KCNN2: variants seen among roughly 807,000 people sequenced by gnomAD.
The protein encoded by KCNN2 is potassium calcium-activated channel subfamily N member 2.
In KCNN2, 24 loss-of-function variants were observed where a neutral mutation model predicts 55.5. That is an observed-to-expected ratio of 0.43 (90% CI 0.31 to 0.61). The LOEUF is 0.61. Among genes scored for constraint, KCNN2 ranks in the 20% least tolerant of loss-of-function variants. KCNN2 has a pLI of 0.08. For synonymous variants in KCNN2, 431 were observed against 336.1 expected (o/e 1.28, Z -3.09); for missense variants, 754 against 853.6 (o/e 0.88, Z 1.45).
intron 1 of KCNN2, among the ~76,000 whole-genome samples, chr5:114,117,442 G>A (rs919056459): frequency 6.6e-6 from 1 of 152,178 alleles, no homozygotes; most frequent in African/African-American, 2.4e-5. Context: ...TGTCTGAGGG[G>A]CCACCTGGGA....
chr5:114,383,464 CTTT>C (rs66787954), intron 2 of KCNN2, among the ~76,000 whole-genome samples: 10 of 102,754 alleles, frequency 9.7e-5, no homozygotes, highest in African/African-American at 4.1e-4. Context: ...CCACTAAATG[CTTT>C]TTTTTTTTTT....
chr5:114,191,619 C>A (rs928615338), intron 1 of KCNN2, among the ~76,000 whole-genome samples: 12 of 152,130 alleles, frequency 7.9e-5, no homozygotes, highest in Non-Finnish European at 1.2e-4. Flanking sequence ...TGGGCCAGTA[C>A]AGCAGTCATA....
chr5:114,325,472 A>G (rs10050368), intron 2 of KCNN2, among the ~76,000 whole-genome samples: 6,265 of 152,312 alleles, frequency 0.041, 392 homozygotes, highest in African/African-American at 0.14. Flanking sequence ...TTGAGAAACT[A>G]TTCAGACTAA....
intron 2 of KCNN2, among the ~76,000 whole-genome samples, chr5:114,316,912 G>A (rs1251443690): frequency 6.6e-6 from 1 of 152,188 alleles, no homozygotes; most frequent in Non-Finnish European, 1.5e-5. Context: ...ACAGTCCAGG[G>A]TGTTCTTTGA....
intron 1 of KCNN2, among the ~76,000 whole-genome samples, chr5:114,157,933 T>C (rs1752674892): frequency 6.6e-6 from 1 of 151,742 alleles, no homozygotes; most frequent in Non-Finnish European, 1.5e-5. Context: ...ATTGCAAAAA[T>C]TTTCTCCCAT....
chr5:114,449,684 A>T (rs992353494), intron 3 of KCNN2, among the ~76,000 whole-genome samples: 1 of 152,172 alleles, frequency 6.6e-6, no homozygotes, highest in Non-Finnish European at 1.5e-5. Context: ...CCTGACTTTT[A>T]TATCTTCAAA....
rs548141002 is a variant in KCNN2 at position 114,344,893 on chromosome 5, T to A, written c.-184-16052T>A. 3.1e-4 allele frequency among the ~76,000 whole-genome samples: 47 copies of A among 152,370 alleles called. 2 individuals are homozygous for A. In the South Asian group the frequency reaches 9.7e-3, roughly 32 times the overall value. On this transcript the variant is annotated intron_variant, in intron 2 of 10. Coordinates refer to the KCNN2 transcript ENST00000512097. ...AGTCAAGATAATCTATTAGACTAGGTGCTGCTTATTTAGGCAGAACTTAAT... is the reference window on the plus strand; with the variant it reads ...AGTCAAGATAATCTATTAGACTAGGAGCTGCTTATTTAGGCAGAACTTAAT...
At chr5:114,349,925 C>T (rs1025554032) in intron 2 of KCNN2, among the ~76,000 whole-genome samples, 3 of 151,874 alleles carry the variant, frequency 2.0e-5, no homozygotes, top group African/African-American at 7.2e-5. Context: ...TATTATCTGT[C>T]TTTTTAAATA....
At position 114,158,933 on chromosome 5, in the gene KCNN2, A is replaced by G. The variant is rs904695726; in HGVS notation, c.-270-62547A>G. Among the ~76,000 whole-genome samples the G allele has an allele frequency of 2.8e-4, 43 of 152,288 alleles. No homozygotes were observed. In the East Asian group the frequency reaches 7.7e-3, roughly 27 times the overall value. ...GATGATGGGGTTTTCTAGATATACA[A>G]TCATGTCATCTGCAAACAGGGACAA... On this transcript the variant is annotated intron_variant, in intron 1 of 10. Coordinates refer to the KCNN2 transcript ENST00000512097.
chr5:114,364,141 G>A (rs1211663537), intron 2 of KCNN2, 140 bp downstream of exon 2: 3 of 630,740 alleles, frequency 4.8e-6, no homozygotes, highest in South Asian at 1.9e-5. Context: ...GTTACCGTTA[G>A]CACCTGACCT....
chr5:114,281,757 A>C (rs1755629574), intron 2 of KCNN2, among the ~76,000 whole-genome samples: 1 of 134,896 alleles, frequency 7.4e-6, no homozygotes, highest in African/African-American at 2.7e-5. Flanking sequence ...TGAAGCAGGT[A>C]AAATTTTAAA....
intron 4 of KCNN2, among the ~76,000 whole-genome samples, chr5:114,468,568 T>TGTCA (rs1761561302): frequency 6.6e-6 from 1 of 152,182 alleles, no homozygotes; most frequent in Non-Finnish European, 1.5e-5. Context: ...ATAAACTGGC[T>TGTCA]GTCAAACTGA....
chr5:114,058,900 T>A (rs925932308), intron 1 of KCNN2, among the ~76,000 whole-genome samples: 2 of 152,178 alleles, frequency 1.3e-5, no homozygotes, highest in Non-Finnish European at 1.5e-5. Flanking sequence ...AGGACGTGAC[T>A]GTGTTTCTGC....
chr5:114,186,735 T>C (rs1234931273), intron 1 of KCNN2, among the ~76,000 whole-genome samples: 1 of 152,162 alleles, frequency 6.6e-6, no homozygotes, highest in Admixed American at 6.5e-5. Flanking sequence ...AAATAAACAA[T>C]AACTTCCAAA....
intron 1 of KCNN2, among the ~76,000 whole-genome samples, chr5:114,150,931 G>T (rs1296468367): frequency 1.3e-5 from 2 of 152,136 alleles, no homozygotes; most frequent in African/African-American, 4.8e-5. Context: ...TGAGGCAGGA[G>T]AATTGCTTGA....
chr5:114,071,291 A>G (rs1366410554), intron 1 of KCNN2, among the ~76,000 whole-genome samples: 2 of 152,214 alleles, frequency 1.3e-5, no homozygotes, highest in African/African-American at 2.4e-5. Context: ...TAGCAGCACC[A>G]TGGTAGCCCC....
intron 2 of KCNN2, among the ~76,000 whole-genome samples, chr5:114,399,639 T>C (rs1758722385): frequency 6.6e-6 from 1 of 152,192 alleles, no homozygotes; most frequent in Non-Finnish European, 1.5e-5. Flanking sequence ...AAGTGCCTTC[T>C]TCTCAATCTT....
chr5:114,339,355 G>A (rs1490480241), intron 2 of KCNN2, among the ~76,000 whole-genome samples: 1 of 152,136 alleles, frequency 6.6e-6, no homozygotes, highest in Non-Finnish European at 1.5e-5. Context: ...CATGGTTCTG[G>A]CCAGAAGATG....
At chr5:114,203,353 G>A (rs960789243) in intron 1 of KCNN2, among the ~76,000 whole-genome samples, 2 of 152,180 alleles carry the variant, frequency 1.3e-5, no homozygotes, top group Non-Finnish European at 2.9e-5. Flanking sequence ...CTAATGTCCT[G>A]ATGTTCCTTG....
Sources: gnomAD v4.1 joint callset for allele counts (sites outside exome capture counted in the v4.1 genomes callset) on GRCh38, gnomAD v4.1.1 for gene constraint, MANE v1.5 for transcripts, NCBI Gene and HGNC (gene_info 2026-07-23, HGNC 2026-07-21) for gene names.